FOXJ3: variants seen among roughly 807,000 people sequenced by gnomAD.
FOXJ3 encodes forkhead box J3, also known as forkhead box protein J3.
Under a neutral mutation model 76.1 loss-of-function variants are expected in FOXJ3, and 22 were observed. The ratio of observed to expected loss-of-function variants is 0.29; its 90% CI spans 0.21 to 0.41. The LOEUF (loss-of-function observed/expected upper bound fraction) is 0.41. FOXJ3 is among the 10% of genes least tolerant of loss of function. FOXJ3 has a pLI of 1.00. For missense variants in FOXJ3, 613 were observed against 762.1 expected (o/e 0.80, Z 2.30); for synonymous variants, 269 against 261.2 (o/e 1.03, Z -0.29).
At chr1:42,314,816 T>G (rs893193395) in intron 1 of FOXJ3, among the ~76,000 whole-genome samples, 1 of 152,164 alleles carries the variant, frequency 6.6e-6, no homozygotes, top group African/African-American at 2.4e-5. Flanking sequence ...CATATACATC[T>G]CCAAGAGAAT....
At chr1:42,196,603 G>A (rs771999661) in intron 7 of FOXJ3, among the ~76,000 whole-genome samples, 1 of 152,192 alleles carries the variant, frequency 6.6e-6, no homozygotes, top group Non-Finnish European at 1.5e-5. Context: ...TGAGGCAAGA[G>A]AATCGCTTGA....
chr1:42,318,071 A>T (rs1366334529), intron 1 of FOXJ3, among the ~76,000 whole-genome samples: 1 of 152,222 alleles, frequency 6.6e-6, no homozygotes, highest in African/African-American at 2.4e-5. Flanking sequence ...AAAGAAACTT[A>T]AAATGAGATC....
At chr1:42,276,937 T>G (rs1266599715) in intron 3 of FOXJ3, among the ~76,000 whole-genome samples, 3 of 152,206 alleles carry the variant, frequency 2.0e-5, no homozygotes, top group Non-Finnish European at 4.4e-5. Context: ...TCTCAAACTC[T>G]TGTCCTAAAG....
chr1:42,224,189 A>T (rs1647362691), intron 5 of FOXJ3, among the ~76,000 whole-genome samples: 1 of 152,200 alleles, frequency 6.6e-6, no homozygotes, highest in Non-Finnish European at 1.5e-5. Flanking sequence ...TTCCTACTAG[A>T]GTCTGTCCAT....
At chr1:42,235,493 C>T (rs555663639) in intron 4 of FOXJ3, among the ~76,000 whole-genome samples, 1 of 152,294 alleles carries the variant, frequency 6.6e-6, no homozygotes, top group African/African-American at 2.4e-5. Flanking sequence ...TTCTGCATCG[C>T]TCACTCTAGG....
intron 2 of FOXJ3, among the ~76,000 whole-genome samples, chr1:42,291,083 T>TAGATAGATAGACAGACAGACAGACAGAC (rs1553167260): frequency 2.3e-4 from 29 of 126,456 alleles, no homozygotes; most frequent in East Asian, 4.7e-4. Context: ...GATAGATAGA[T>TAGATAGATAGACAGACAGACAGACAGAC]AGACAGACAG....
intron 8 of FOXJ3, among the ~76,000 whole-genome samples, chr1:42,193,930 G>A (rs191770013): frequency 7.9e-5 from 12 of 152,196 alleles, no homozygotes; most frequent in East Asian, 3.9e-4. Flanking sequence ...CTTCCATGTC[G>A]TCTGCCACAT....
intron 4 of FOXJ3, among the ~76,000 whole-genome samples, chr1:42,258,819 TTAGAGA>T (rs1347675089): frequency 1.3e-5 from 2 of 152,170 alleles, no homozygotes; most frequent in African/African-American, 2.4e-5. Flanking sequence ...AAACTTTAAG[TTAGAGA>T]TAAAGTTTTA....
chr1:42,253,892 C>T (rs1650335698), intron 4 of FOXJ3, among the ~76,000 whole-genome samples: 1 of 152,028 alleles, frequency 6.6e-6, no homozygotes, highest in East Asian at 1.9e-4. Flanking sequence ...CCATTCAGGA[C>T]ATAGGCATGG....
intron 7 of FOXJ3, among the ~76,000 whole-genome samples, chr1:42,197,042 A>C (rs1011866102): frequency 2.0e-5 from 3 of 152,224 alleles, no homozygotes; most frequent in Admixed American, 6.5e-5. Flanking sequence ...GGAAAGACAC[A>C]TGAAAACAAG....
At chr1:42,181,865 TCACACACACA>T (rs143175153) in intron 12 of FOXJ3, 42 bp downstream of exon 12, 49 of 964,538 alleles carry the variant, frequency 5.1e-5, no homozygotes, top group South Asian at 2.0e-4. Context: ...CCTGGAGTGC[TCACACACACA>T]CACACACACA....
intron 1 of FOXJ3, among the ~76,000 whole-genome samples, chr1:42,321,638 G>A (rs1416343769): frequency 6.6e-6 from 1 of 152,152 alleles, no homozygotes; most frequent in African/African-American, 2.4e-5. Flanking sequence ...CTCTCCAGAT[G>A]TTTATAATCT....
chr1:42,280,438 T>TTA (rs369323989), intron 2 of FOXJ3: 2 of 77,582 alleles, frequency 2.6e-5, no homozygotes, highest in East Asian at 6.2e-4. Context: ...TCAGAGATCT[T>TTA]AAAAAAAAAA....
intron 8 of FOXJ3, among the ~76,000 whole-genome samples, chr1:42,192,154 T>A (rs996466860): frequency 7.2e-5 from 11 of 152,184 alleles, no homozygotes; most frequent in Admixed American, 6.5e-5. Context: ...AGACCAAGGC[T>A]TTGATAGAAG....
intron 7 of FOXJ3, among the ~76,000 whole-genome samples, chr1:42,196,052 C>T (rs964208354): frequency 6.6e-6 from 1 of 152,222 alleles, no homozygotes; most frequent in Non-Finnish European, 1.5e-5. Context: ...ACCTCCCTGG[C>T]TGAGTGAGGC....
rs866764383 is a variant in FOXJ3, at chr1:42,274,620, T to C, written c.369+3728A>G. Among the ~76,000 whole-genome samples, 2 of 152,302 alleles carry C rather than the reference T, an allele frequency of 1.3e-5. 1 individual carries two copies. Among genetic ancestry groups the C allele is most frequent in the Middle Eastern group, 6.8e-3 (2 of 294 alleles). ...TTGGAAAATAATAGTACCTACTTCA[T>C]AAGGCTATTGTGTGGCCTAAAGAGA... On this transcript the variant is annotated intron_variant, in intron 3 of 12. Transcript: ENST00000361346.
chr1:42,286,558 C>T (rs6671859), intron 2 of FOXJ3, among the ~76,000 whole-genome samples: 152,169 of 152,380 alleles, frequency 1, 75,979 homozygotes, highest in Middle Eastern at 1. Flanking sequence ...CTGAGAACAC[C>T]TTCCAACACA....
intron 2 of FOXJ3, among the ~76,000 whole-genome samples, chr1:42,292,563 T>C (rs777447658): frequency 2.6e-4 from 39 of 152,230 alleles, no homozygotes; most frequent in Non-Finnish European, 4.1e-4. Context: ...TATTGTATGA[T>C]ACCATTTATG....
intron 5 of FOXJ3, among the ~76,000 whole-genome samples, chr1:42,223,364 G>C (rs1380765258): frequency 6.6e-6 from 1 of 152,242 alleles, no homozygotes; most frequent in Non-Finnish European, 1.5e-5. Flanking sequence ...TCAAATCAAA[G>C]TAAAAGTCCT....
Sources: gnomAD v4.1 joint callset for allele counts (sites outside exome capture counted in the v4.1 genomes callset) on GRCh38, gnomAD v4.1.1 for gene constraint, MANE v1.5 for transcripts, NCBI Gene and HGNC (gene_info 2026-07-23, HGNC 2026-07-21) for gene names.